CLASP2: variants seen among roughly 807,000 people sequenced by gnomAD.
CLASP2 encodes the protein CLIP-associating protein 2.
Under a neutral mutation model 194.4 loss-of-function variants are expected in CLASP2, and 47 were observed. The ratio of observed to expected loss-of-function variants is 0.24; its 90% confidence interval spans 0.19 to 0.31. CLASP2 has a LOEUF of 0.31. Among genes scored for constraint, CLASP2 ranks in the 10% least tolerant of loss-of-function variants. CLASP2 has a pLI of 1.00. For synonymous variants in CLASP2, 619 were observed against 633.5 expected, an observed-to-expected ratio of 0.98 and a Z score of 0.34; for missense variants, 1,445 against 1,823.6, an observed-to-expected ratio of 0.79 and a Z score of 3.78.
At chr3:33,713,808 C>T (rs2093155333) in intron 1 of CLASP2, among the ~76,000 whole-genome samples, 2 of 152,096 alleles carry the variant, frequency 1.3e-5, no homozygotes, top group Admixed American at 1.3e-4. Context: ...TGAGGTCTCA[C>T]TATCTTGCTC....
Position 33,604,062 on chromosome 3 carries a change from G to A in CLASP2, c.1750+92C>T, listed in dbSNP as rs145211176. ...GTGGTACTGAGTTACCAAGTAAAAC[G>A]ATCTTTTCACTATGGAGCACATCAA... On this transcript the variant is annotated intron_variant, in intron 17 of 38. Coordinates refer to ENST00000682230, the MANE Select transcript of CLASP2 (RefSeq NM_001365631.1). 4.0e-3 allele frequency: 3,686 copies of A among 927,624 alleles called. 21 individuals are homozygous for A. The highest frequency in any genetic ancestry group is 0.014 in the South Asian group (942 of 67,250). The allele number at this position is 927,624 out of a possible 1,614,324, so 57.5% of individuals were successfully genotyped here.
At chr3:33,676,648 G>A (rs2088706306) in intron 6 of CLASP2, among the ~76,000 whole-genome samples, 1 of 152,110 alleles carries the variant, frequency 6.6e-6, no homozygotes. Flanking sequence ...CATGGGCAAG[G>A]ACTTCATGTC....
At chr3:33,706,820 T>C (rs544683065) in intron 1 of CLASP2, among the ~76,000 whole-genome samples, 2 of 151,784 alleles carry the variant, frequency 1.3e-5, no homozygotes, top group South Asian at 2.1e-4. Flanking sequence ...TTAAAGTTAG[T>C]TGGGCATGGT....
intron 29 of CLASP2, among the ~76,000 whole-genome samples, chr3:33,556,423 G>A (rs1560011175): frequency 3.3e-5 from 5 of 151,306 alleles, no homozygotes. Context: ...GAGTTGAAAA[G>A]TGATTTTCTT....
chr3:33,592,109 A>G (rs2068930081), intron 21 of CLASP2: 5 of 656,440 alleles, frequency 7.6e-6, no homozygotes, highest in South Asian at 3.3e-5. Flanking sequence ...TAAGTGGCAG[A>G]TATCAATGAT....
chr3:33,574,422 GA>G (rs1199217620), intron 24 of CLASP2: 54 of 1,189,116 alleles, frequency 4.5e-5, no homozygotes, highest in South Asian at 1.4e-4. Context: ...ATTGATGAAA[GA>G]AAAAAAAGTT....
chr3:33,704,808 T>C (rs779506194), intron 1 of CLASP2, among the ~76,000 whole-genome samples: 25 of 151,926 alleles, frequency 1.6e-4, no homozygotes, highest in Non-Finnish European at 3.4e-4. Flanking sequence ...CATGAAAAGA[T>C]GCTCAACATT....
chr3:33,525,960 G>A (rs1455923768), intron 34 of CLASP2, among the ~76,000 whole-genome samples: 1 of 152,168 alleles, frequency 6.6e-6, no homozygotes, highest in African/African-American at 2.4e-5. Context: ...TTGCTGTTTG[G>A]GTGACTTGGC....
At chr3:33,516,268 A>C (rs1303700445) in intron 35 of CLASP2, 117 bp from the exon 36 acceptor site, 1 of 840,270 alleles carries the variant, frequency 1.2e-6, no homozygotes, top group Admixed American at 3.1e-5. Flanking sequence ...ATAACTGCAT[A>C]AAGTATGCGG....
At chr3:33,652,143 C>G (rs1229400002) in intron 7 of CLASP2, among the ~76,000 whole-genome samples, 1 of 152,088 alleles carries the variant, frequency 6.6e-6, no homozygotes, top group Admixed American at 6.5e-5. Flanking sequence ...GTAAGAAGAA[C>G]CCCCAACACT....
At chr3:33,674,293 T>C (rs2088042394) in intron 6 of CLASP2, among the ~76,000 whole-genome samples, 1 of 151,884 alleles carries the variant, frequency 6.6e-6, no homozygotes. Flanking sequence ...AGAAACTCAC[T>C]CAAAACCACT....
At chr3:33,661,214 T>A (rs985769710) in intron 7 of CLASP2, among the ~76,000 whole-genome samples, 1 of 152,228 alleles carries the variant, frequency 6.6e-6, no homozygotes, top group Non-Finnish European at 1.5e-5. Context: ...TTACCAACTG[T>A]AACCACATTG....
rs181043424 is a variant in CLASP2, at chr3:33,516,935, A to G, written c.3981+46T>C. On this transcript the variant is annotated intron_variant, in intron 35 of 38. Coordinates refer to ENST00000682230, the MANE Select transcript of CLASP2 (RefSeq NM_001365631.1). ...AGCATTAGATTAACAGGCAATGTAA[A>G]AGAGACAGGAAGGAAAGGCTACTGT... is the stretch of plus-strand genomic sequence containing the variant. 99 of 1,503,968 alleles carry G rather than the reference A, an allele frequency of 6.6e-5. 1 individual carries two copies. The South Asian group carries it at 1.0e-3, about 16-fold the overall frequency. The allele number at this position is 1,503,968 out of a possible 1,614,324, so 93.2% of individuals were successfully genotyped here. A position where few individuals can be genotyped will look rare whatever the true frequency, so the allele number is the denominator to read the frequency against.
intron 1 of CLASP2, among the ~76,000 whole-genome samples, chr3:33,712,401 G>C (rs2093057208): frequency 6.6e-6 from 1 of 152,118 alleles, no homozygotes; most frequent in African/African-American, 2.4e-5. Flanking sequence ...TATTGGTAGT[G>C]TACACTGCTT....
chr3:33,506,193 T>C (rs2048118552), intron 37 of CLASP2, among the ~76,000 whole-genome samples: 1 of 151,608 alleles, frequency 6.6e-6, no homozygotes, highest in African/African-American at 2.4e-5. Flanking sequence ...GCCAAGATGG[T>C]GAAACCTTGT....
chr3:33,607,901 T>C (rs766307792), intron 14 of CLASP2, among the ~76,000 whole-genome samples: 8 of 152,208 alleles, frequency 5.3e-5, no homozygotes, highest in Admixed American at 3.9e-4. Context: ...CTTGAAATTA[T>C]ATTATGCCTA....
chr3:33,591,132 G>T (rs1419772286), intron 21 of CLASP2, among the ~76,000 whole-genome samples: 2 of 151,682 alleles, frequency 1.3e-5, no homozygotes, highest in Non-Finnish European at 2.9e-5. Flanking sequence ...GGCAGTGATT[G>T]TGCCACTGCA....
intron 8 of CLASP2, among the ~76,000 whole-genome samples, chr3:33,637,164 A>C (rs1430413467): frequency 6.6e-6 from 1 of 152,240 alleles, no homozygotes; most frequent in Non-Finnish European, 1.5e-5. Context: ...ACAATCTTAA[A>C]AAACAACTGG....
intron 30 of CLASP2, among the ~76,000 whole-genome samples, chr3:33,549,685 A>T (rs868356063): frequency 6.6e-6 from 1 of 151,838 alleles, no homozygotes; most frequent in African/African-American, 2.4e-5. Context: ...TGTTAGGTGC[A>T]GTGCTCATCA....
Sources: gnomAD v4.1 joint callset for allele counts (sites outside exome capture counted in the v4.1 genomes callset) on GRCh38, gnomAD v4.1.1 for gene constraint, MANE v1.5 for transcripts, NCBI Gene and HGNC (gene_info 2026-07-23, HGNC 2026-07-21) for gene names.